The following PRKAG2 variants were observed in gnomAD, a reference collection of about 807,000 sequenced individuals.
PRKAG2 encodes protein kinase AMP-activated non-catalytic subunit gamma 2.
PRKAG2 carries 26 observed loss-of-function variants against 69.6 expected under a neutral mutation model. The observed-to-expected ratio is 0.37, with a 90% CI of 0.27 to 0.52. The LOEUF is 0.52. Ranked by LOEUF, PRKAG2 falls within the 20% of genes least tolerant of loss-of-function variation. The pLI is 0.90. For synonymous variants in PRKAG2, 293 were observed against 285.0 expected (o/e 1.03, Z -0.28); for missense variants, 557 against 740.0 (o/e 0.75, Z 2.87).
intron 5 of PRKAG2, among the ~76,000 whole-genome samples, chr7:151,626,597 C>T (rs979930291): frequency 1.3e-5 from 2 of 152,138 alleles, no homozygotes; most frequent in Non-Finnish European, 2.9e-5. Flanking sequence ...CACACACCTG[C>T]CACTTTGATA....
chr7:151,669,627 A>G (rs984990691), intron 4 of PRKAG2, among the ~76,000 whole-genome samples: 2 of 152,072 alleles, frequency 1.3e-5, no homozygotes, highest in Admixed American at 1.3e-4. Context: ...TATCTGAATG[A>G]TTTTCAAATT....
chr7:151,650,157 G>A (rs1828245914), intron 4 of PRKAG2, among the ~76,000 whole-genome samples: 1 of 152,184 alleles, frequency 6.6e-6, no homozygotes, highest in Non-Finnish European at 1.5e-5. Flanking sequence ...GGAGGCTGCA[G>A]TGAGCTGTGA....
intron 1 of PRKAG2, among the ~76,000 whole-genome samples, chr7:151,793,101 C>T (rs1342935203): frequency 2.0e-5 from 3 of 152,196 alleles, no homozygotes; most frequent in Admixed American, 6.5e-5. Context: ...CCCACTGAAG[C>T]GGACAACAAT....
At chr7:151,645,465 G>A (rs1042270801) in intron 4 of PRKAG2, among the ~76,000 whole-genome samples, 9 of 152,164 alleles carry the variant, frequency 5.9e-5, no homozygotes, top group African/African-American at 2.2e-4. Context: ...TGAGGCAGAG[G>A]ACTCAACTAA....
chr7:151,861,550 A>AAAAAAAAAATC, intron 1 of PRKAG2, among the ~76,000 whole-genome samples: 1 of 145,390 alleles, frequency 6.9e-6, no homozygotes, highest in Non-Finnish European at 1.5e-5. Flanking sequence ...AAAAAAAAAG[A>AAAAAAAAAATC]ATCACCTCCA....
At chr7:151,707,607 G>A (rs747127671) in intron 3 of PRKAG2, among the ~76,000 whole-genome samples, 19 of 152,092 alleles carry the variant, frequency 1.2e-4, no homozygotes, top group Non-Finnish European at 2.5e-4. Context: ...GGGTGCTCCC[G>A]AAGGTGACTC....
chr7:151,795,054 G>A (rs2077430547), intron 1 of PRKAG2, among the ~76,000 whole-genome samples: 3 of 152,066 alleles, frequency 2.0e-5, no homozygotes. Flanking sequence ...CTAGTTCAGG[G>A]CCCCAGGGCA....
chr7:151,766,171 G>A (rs991086002), intron 3 of PRKAG2, among the ~76,000 whole-genome samples: 13 of 152,234 alleles, frequency 8.5e-5, no homozygotes, highest in Admixed American at 7.8e-4. Flanking sequence ...GGACACAGAG[G>A]TGTCACTGTA....
rs141055135 is a variant in PRKAG2, at chr7:151,694,379, C to T, written c.467-18742G>A. On this transcript the variant is annotated intron_variant, in intron 3 of 15. Coordinates refer to ENST00000287878, the MANE Select transcript of PRKAG2 (RefSeq NM_016203.4). The stretch of plus-strand genomic sequence containing the variant: ...CAGCATTAACCACACTGCTGTGCAG[C>T]CCCCACCACCACCATCTCCAGAACC... Among the ~76,000 whole-genome samples, 34 of 152,336 alleles carry T rather than the reference C, an allele frequency of 2.2e-4. No homozygotes were observed. The East Asian group carries it at 2.9e-3, about 13-fold the overall frequency.
In PRKAG2 at chr7:151,794,027, C is replaced by A. The variant is rs149030887; in HGVS notation, c.115-7486G>T. ...AGCAACTTCCTGATGTCAAAAGAAA[C>A]ATCCAACTGTTTTTCACTCCTATGG... On this transcript the variant is annotated intron_variant, in intron 1 of 15. Coordinates refer to ENST00000287878, the MANE Select transcript of PRKAG2 (RefSeq NM_016203.4). Among the ~76,000 whole-genome samples the A allele has an allele frequency of 4.7e-3, 716 of 152,300 alleles. 2 individuals are homozygous for A. The highest frequency in any genetic ancestry group is 0.015 in the African/African-American group (623 of 41,554).
At chr7:151,823,103 C>T (rs1253545916) in intron 1 of PRKAG2, among the ~76,000 whole-genome samples, 2 of 150,446 alleles carry the variant, frequency 1.3e-5, no homozygotes, top group Non-Finnish European at 3.0e-5. Context: ...CTTGTCACAG[C>T]AGCAGGGGCC....
chr7:151,762,771 G>C (rs1253790261), intron 3 of PRKAG2, among the ~76,000 whole-genome samples: 1 of 152,144 alleles, frequency 6.6e-6, no homozygotes. Flanking sequence ...CTGAGGGGTG[G>C]GGGACACAAG....
intron 4 of PRKAG2, among the ~76,000 whole-genome samples, chr7:151,658,284 G>A (rs1829790145): frequency 6.6e-6 from 1 of 151,434 alleles, no homozygotes; most frequent in Admixed American, 6.6e-5. Flanking sequence ...TCAGGAGTTT[G>A]AGAACAGCCT....
At chr7:151,752,295 A>C (rs151223815) in intron 3 of PRKAG2, among the ~76,000 whole-genome samples, 2,368 of 152,318 alleles carry the variant, frequency 0.016, 63 homozygotes, top group African/African-American at 0.055. Flanking sequence ...GCAAACTAAC[A>C]CAGGAACAGA....
rs754517784 is a variant in PRKAG2 at position 151,781,279 on chromosome 7, G to C, written c.339C>G (p.Ser113=). 1 of 1,614,112 alleles carries C rather than the reference G, an allele frequency of 6.2e-7. No individual in the cohort carries two copies. The highest frequency in any genetic ancestry group is 1.1e-5 in the South Asian group (1 of 91,086). ...TCATGCGTCGAGGGGAGCGTGGCGGGGACTCCTGGTAGGAGAACGGGAACA... is the reference window on the plus strand; with the variant it reads ...TCATGCGTCGAGGGGAGCGTGGCGGCGACTCCTGGTAGGAGAACGGGAACA... ...KTVFPFSYQE[S]PPRSPRRMSF... Residue 113 remains serine (S), a synonymous_variant, in exon 3 of 16, where the codon TCC becomes TCG. Transcript: ENST00000287878. This position sits in a 1 kb window ranked among gnomAD's most constrained non-coding sequence, Gnocchi z 6.1.
chr7:151,761,709 C>T (rs192381403), intron 3 of PRKAG2, among the ~76,000 whole-genome samples: 8 of 152,274 alleles, frequency 5.3e-5, no homozygotes, highest in Middle Eastern at 3.4e-3. Context: ...TTTACTGTGA[C>T]GCCGTGGTCT....
In PRKAG2 at chr7:151,565,375, C is replaced by T; in HGVS notation, c.1408G>A (p.Val470Ile). The T allele has an allele frequency of 7.3e-7, 1 of 1,371,138 alleles. No individual in the cohort carries two copies. Among genetic ancestry groups the T allele is most frequent in the Non-Finnish European group, 1.0e-6 (1 of 983,858 alleles). 84.9% of individuals were successfully genotyped at this position (1,371,138 alleles called of 1,614,324 possible). A position where few individuals can be genotyped will look rare whatever the true frequency, so the allele number is the denominator to read the frequency against. Residue 470 changes from valine (V) to isoleucine (I), a missense_variant, in exon 13 of 16, where the codon GTA becomes ATA. Val to Ile is a conservative substitution (Grantham distance 29). Coordinates refer to ENST00000287878, the MANE Select transcript of PRKAG2 (RefSeq NM_016203.4). ...ACATCAAATTTGGAATAAATATCTACAACTTTTCCTAAAAATGAAAAATAT... is the reference window on the plus strand; with the variant it reads ...ACATCAAATTTGGAATAAATATCTATAACTTTTCCTAAAAATGAAAAATAT... ...LPVVDESGKV[V>I]DIYSKFDVIN...
At chr7:151,722,270 C>T (rs1797234921) in intron 3 of PRKAG2, among the ~76,000 whole-genome samples, 1 of 152,120 alleles carries the variant, frequency 6.6e-6, no homozygotes. Context: ...TTCCTAGCAC[C>T]CTTCCTCCTG....
At chr7:151,674,986 A>G in intron 4 of PRKAG2, 1 of 296,266 alleles carries the variant, frequency 3.4e-6, no homozygotes, top group Non-Finnish European at 6.6e-6. Flanking sequence ...CGGTGTCATG[A>G]TCTCAGCTCA....
Sources: allele counts gnomAD v4.1 joint callset (sites outside exome capture counted in the v4.1 genomes callset), GRCh38; gene constraint gnomAD v4.1.1; non-coding constraint Gnocchi (gnomAD v3.1); transcripts MANE v1.5; gene names NCBI Gene and HGNC (gene_info 2026-07-23, HGNC 2026-07-21).